WDR7: variants seen among roughly 807,000 people sequenced by gnomAD.
The protein encoded by WDR7 is WD repeat-containing protein 7.
WDR7 carries 46 observed loss-of-function variants against 169.4 expected under a neutral mutation model. That is an observed-to-expected ratio of 0.27 (90% CI 0.21 to 0.35). WDR7 has a LOEUF of 0.35. Ranked by LOEUF, WDR7 falls within the 10% of genes least tolerant of loss-of-function variation. The pLI, the probability that WDR7 is intolerant of heterozygous loss-of-function variation, is 1.00. For missense variants in WDR7, 1,534 were observed against 1,859.3 expected (o/e 0.83, Z 3.22); for synonymous variants, 612 against 666.8 (o/e 0.92, Z 1.27).
chr18:56,900,902 C>T (rs116385842), intron 21 of WDR7, among the ~76,000 whole-genome samples: 1 of 152,346 alleles, frequency 6.6e-6, no homozygotes, highest in African/African-American at 2.4e-5. Context: ...TGAAGCTTAA[C>T]ATTCTGCCAG....
chr18:56,928,424 C>A (rs1231825071), intron 22 of WDR7, among the ~76,000 whole-genome samples: 1 of 152,146 alleles, frequency 6.6e-6, no homozygotes, highest in Non-Finnish European at 1.5e-5. Context: ...GTGATTGGAC[C>A]ACTACTCTAC....
chr18:56,830,342 A>T (rs2045286699), intron 20 of WDR7, among the ~76,000 whole-genome samples: 1 of 152,226 alleles, frequency 6.6e-6, no homozygotes, highest in African/African-American at 2.4e-5. Context: ...GCTATTCTTC[A>T]TGATGAATTT....
intron 1 of WDR7, among the ~76,000 whole-genome samples, chr18:56,666,496 C>T (rs980817286): frequency 2.6e-5 from 4 of 152,058 alleles, no homozygotes; most frequent in Non-Finnish European, 4.4e-5. Flanking sequence ...GCCACTGCGC[C>T]CGGCCTCATC....
intron 19 of WDR7, among the ~76,000 whole-genome samples, chr18:56,803,137 C>A (rs987593047): frequency 6.6e-6 from 1 of 152,112 alleles, no homozygotes; most frequent in Non-Finnish European, 1.5e-5. Flanking sequence ...CCATCTTATT[C>A]TTATCTATAA....
intron 21 of WDR7, among the ~76,000 whole-genome samples, chr18:56,913,684 A>G (rs1299022732): frequency 1.3e-5 from 2 of 151,612 alleles, no homozygotes; most frequent in African/African-American, 4.8e-5. Context: ...AGTCCCAGGT[A>G]CTCAGGAGGC....
rs373190563 is a variant in WDR7, at chr18:56,880,099, A to G, written c.3460A>G (p.Ser1154Gly). ...PKLLTRPRSSSQIPEGFGLTS... is the reference protein window; with the variant it reads ...PKLLTRPRSSGQIPEGFGLTS... ...ACTATTGACCAGACCTCGAAGCTCT[A>G]GCCAAATTCCTGAGGGATTCGGGTT... Residue 1154 changes from serine to glycine, a missense_variant, in exon 21 of 28, where the codon AGC becomes GGC. Coordinates refer to ENST00000254442, the MANE Select transcript of WDR7 (RefSeq NM_015285.3). 1.1e-5 allele frequency: 17 copies of G among 1,614,008 alleles called. No individual in the cohort carries two copies. Among genetic ancestry groups the G allele is most frequent in the African/African-American group, 4.0e-5 (3 of 74,930 alleles).
intron 20 of WDR7, among the ~76,000 whole-genome samples, chr18:56,844,172 T>A (rs2045531679): frequency 6.6e-6 from 1 of 152,094 alleles, no homozygotes. Flanking sequence ...ATTTTTTTTT[T>A]TTTAAATAAT....
chr18:56,948,752 G>A (rs1328884702), intron 25 of WDR7, among the ~76,000 whole-genome samples: 1 of 152,154 alleles, frequency 6.6e-6, no homozygotes, highest in Admixed American at 6.5e-5. Context: ...GTGAAGCCCA[G>A]CTTTCCTGAA....
intron 26 of WDR7, among the ~76,000 whole-genome samples, chr18:57,016,463 A>G (rs1568315162): frequency 6.6e-6 from 1 of 152,182 alleles, no homozygotes; most frequent in Admixed American, 6.5e-5. Flanking sequence ...TGAGACCTAC[A>G]AGTAAACATA....
intron 26 of WDR7, among the ~76,000 whole-genome samples, chr18:56,982,916 T>C (rs2047666631): frequency 6.6e-6 from 1 of 152,166 alleles, no homozygotes; most frequent in Admixed American, 6.5e-5. Context: ...TGTCTTGGAG[T>C]ATTTCACTGC....
At chr18:56,991,042 G>T (rs2047805927) in intron 26 of WDR7, among the ~76,000 whole-genome samples, 1 of 151,850 alleles carries the variant, frequency 6.6e-6, no homozygotes, top group Admixed American at 6.6e-5. Context: ...CTCACTGCCT[G>T]TTCTCCTGTG....
At chr18:56,720,742 G>C (rs988398345) in intron 13 of WDR7, among the ~76,000 whole-genome samples, 5 of 152,074 alleles carry the variant, frequency 3.3e-5, no homozygotes, top group African/African-American at 1.2e-4. Context: ...CTAACTGTAG[G>C]GGTACTGGAA....
chr18:56,972,112 A>T (rs1379967419), intron 26 of WDR7, among the ~76,000 whole-genome samples: 3 of 152,236 alleles, frequency 2.0e-5, no homozygotes, highest in Non-Finnish European at 4.4e-5. Flanking sequence ...GCATTTAATG[A>T]AAATGAGCCA....
chr18:56,677,931 G>T (rs568915161), intron 2 of WDR7, among the ~76,000 whole-genome samples: 2 of 151,990 alleles, frequency 1.3e-5, no homozygotes, highest in African/African-American at 4.8e-5. Flanking sequence ...GATCCTGTAG[G>T]CATGCTTCAT....
intron 26 of WDR7, among the ~76,000 whole-genome samples, chr18:56,991,802 C>T (rs933469939): frequency 9.9e-5 from 15 of 152,190 alleles, no homozygotes; most frequent in Non-Finnish European, 8.8e-5. Context: ...GTGATCCCAG[C>T]GATCTCTAAG....
At chr18:56,826,456 A>G (rs1333020403) in intron 20 of WDR7, among the ~76,000 whole-genome samples, 1 of 152,196 alleles carries the variant, frequency 6.6e-6, no homozygotes, top group African/African-American at 2.4e-5. Context: ...AATTAAATTT[A>G]CTATCATCTG....
rs1252692012 is a variant in WDR7 at position 56,884,971 on chromosome 18, G to T, written c.3526+4806G>T. ...AAGACGGTTCACATCACAGGTCTCT[G>T]TGCAGAATGCCTCAGTCCCAGCCCA... On this transcript the variant is annotated intron_variant, in intron 21 of 27. Transcript: ENST00000254442. 3.3e-5 allele frequency among the ~76,000 whole-genome samples: 5 copies of T among 152,190 alleles called. No individual in the cohort carries two copies. The South Asian group carries it at 1.0e-3, about 32-fold the overall frequency.
At chr18:56,967,278 C>T (rs1403187441) in intron 26 of WDR7, among the ~76,000 whole-genome samples, 1 of 152,022 alleles carries the variant, frequency 6.6e-6, no homozygotes, top group Non-Finnish European at 1.5e-5. Flanking sequence ...TGAGTCTCCA[C>T]TGATTATGGA....
chr18:56,847,291 G>A (rs1203635410), intron 20 of WDR7, among the ~76,000 whole-genome samples: 1 of 152,138 alleles, frequency 6.6e-6, no homozygotes, highest in African/African-American at 2.4e-5. Flanking sequence ...AGAGTATTTG[G>A]CCAAAGAAAT....
Sources: allele counts gnomAD v4.1 joint callset (sites outside exome capture counted in the v4.1 genomes callset), GRCh38; gene constraint gnomAD v4.1.1; transcripts MANE v1.5; gene names NCBI Gene and HGNC (gene_info 2026-07-23, HGNC 2026-07-21).